CWF19L2: variants seen among roughly 807,000 people sequenced by gnomAD.
The protein encoded by CWF19L2 is CWF19 like cell cycle control factor 2.
Under a neutral mutation model 111.7 loss-of-function variants are expected in CWF19L2, and 98 were observed. The ratio of observed to expected loss-of-function variants is 0.88; its 90% CI spans 0.75 to 1.04. The LOEUF (loss-of-function observed/expected upper bound fraction) is 1.04. CWF19L2 is among the 50% of genes least tolerant of loss of function. The pLI, the probability that CWF19L2 is intolerant of heterozygous loss-of-function variation, is 0.00. For missense variants in CWF19L2, 1,101 were observed against 1,051.4 expected, an observed-to-expected ratio of 1.05 and a Z score of -0.65; for synonymous variants, 351 against 342.9, an observed-to-expected ratio of 1.02 and a Z score of -0.26.
At position 107,403,620 on chromosome 11, in the gene CWF19L2, G is replaced by C. The variant is rs1861038243; in HGVS notation, c.1618-10725C>G. 6.4e-6 allele frequency: 5 copies of C among 780,096 alleles called. No homozygotes were observed. The South Asian group carries it at 6.7e-5, about 10-fold the overall frequency. The allele number at this position is 780,096 out of a possible 1,614,324, so 48.3% of individuals were successfully genotyped here. A position where few individuals can be genotyped will look rare whatever the true frequency, so the allele number is the denominator to read the frequency against. On this transcript the variant is annotated intron_variant, in intron 10 of 17. Coordinates refer to ENST00000282251, the MANE Select transcript of CWF19L2 (RefSeq NM_152434.3). ...AGGTGTGTCTTCTCTGTCTCCATTG[G>C]AATGTTCTCCTCGTCTTTCTTCTCC...
At chr11:107,403,209 T>C (rs1039713883) in intron 10 of CWF19L2, among the ~76,000 whole-genome samples, 15 of 151,608 alleles carry the variant, frequency 9.9e-5, no homozygotes, top group African/African-American at 3.4e-4. Context: ...CTAAAGAACT[T>C]ACTCATGTAA....
At position 107,327,073 on chromosome 11, in the gene CWF19L2, G is replaced by A. The variant is rs766357964; in HGVS notation, c.2542-20C>T. The A allele has an allele frequency of 1.9e-6, 3 of 1,573,008 alleles. No individual in the cohort carries two copies. Among genetic ancestry groups the A allele is most frequent in the East Asian group, 2.3e-5 (1 of 43,684 alleles). ...GATTTCCTTTTAAAGAAAGAGAAAA[G>A]CACAAACACAAGCATGTATAAATAA... On this transcript the variant is annotated intron_variant, in intron 17 of 17. Transcript: ENST00000282251.
intron 13 of CWF19L2, among the ~76,000 whole-genome samples, chr11:107,349,526 G>A (rs981397681): frequency 5.9e-5 from 9 of 151,856 alleles, no homozygotes; most frequent in Admixed American, 2.0e-4. Context: ...CAGCTAAGAC[G>A]AAGAGGAAAT....
intron 14 of CWF19L2, among the ~76,000 whole-genome samples, chr11:107,343,544 C>T (rs973370584): frequency 6.6e-6 from 1 of 152,028 alleles, no homozygotes; most frequent in Admixed American, 6.6e-5. Context: ...ATCTCCTCTA[C>T]CAAACTATCT....
chr11:107,326,742 TGAAGAA>T lies in CWF19L2; in HGVS notation c.*162_*167del. The T allele has an allele frequency of 2.0e-6, 1 of 489,768 alleles. No homozygotes were observed. Among genetic ancestry groups the T allele is most frequent in the Non-Finnish European group, 3.6e-6 (1 of 281,420 alleles). The allele number at this position is 489,768 out of a possible 1,614,324, so 30.3% of individuals were successfully genotyped here. A position where few individuals can be genotyped will look rare whatever the true frequency, so the allele number is the denominator to read the frequency against. On this transcript the variant is annotated 3_prime_UTR_variant, in exon 18 of 18. Coordinates refer to ENST00000282251, the MANE Select transcript of CWF19L2 (RefSeq NM_152434.3). ...AATGAAGTCCATAGATAGGAGCAGG[TGAAGAA>T]GAAAACAACACAATCTCCTGATGTA...
intron 12 of CWF19L2, among the ~76,000 whole-genome samples, chr11:107,362,216 C>A (rs1389257976): frequency 6.6e-6 from 1 of 151,334 alleles, no homozygotes; most frequent in Non-Finnish European, 1.5e-5. Context: ...CAGCTGAGAT[C>A]AAACTGCAAG....
chr11:107,355,266 G>A (rs1377896310), intron 12 of CWF19L2, among the ~76,000 whole-genome samples: 1 of 151,726 alleles, frequency 6.6e-6, no homozygotes, highest in Non-Finnish European at 1.5e-5. Flanking sequence ...AAATACAAAA[G>A]TAGCCGGGCG....
intron 16 of CWF19L2, among the ~76,000 whole-genome samples, 190 bp downstream of exon 16, chr11:107,334,691 A>C (rs1228843439): frequency 1.3e-5 from 2 of 152,228 alleles, no homozygotes; most frequent in Admixed American, 1.3e-4. Context: ...TCATGTGAAC[A>C]AATAAAAACC....
intron 7 of CWF19L2, among the ~76,000 whole-genome samples, chr11:107,429,687 AC>A (rs1861436281): frequency 6.6e-6 from 1 of 152,114 alleles, no homozygotes; most frequent in African/African-American, 2.4e-5. Context: ...GTTACACCAA[AC>A]ACTCTGCACT....
At chr11:107,442,797 AGGGAGGGAGGGAGGG>A (rs1565287361) in intron 4 of CWF19L2, 127 bp downstream of exon 4, 3,495 of 221,786 alleles carry the variant, frequency 0.016, 102 homozygotes, top group Non-Finnish European at 0.019. Context: ...GAAGGAAGGG[AGGGAGGGAGGGAGGG>A]AGGGAGGGGG....
chr11:107,385,483 T>C (rs1459781186), intron 12 of CWF19L2, among the ~76,000 whole-genome samples: 4 of 152,140 alleles, frequency 2.6e-5, no homozygotes, highest in Non-Finnish European at 4.4e-5. Flanking sequence ...TAAACGTCAA[T>C]TTATCTAAAC....
intron 10 of CWF19L2, among the ~76,000 whole-genome samples, chr11:107,402,225 A>T (rs1861011299): frequency 6.6e-6 from 1 of 152,142 alleles, no homozygotes; most frequent in African/African-American, 2.4e-5. Context: ...AACAAAGAAA[A>T]ATAGCTGGGA....
At chr11:107,455,327 T>C (rs1004293157) in intron 2 of CWF19L2, among the ~76,000 whole-genome samples, 2 of 152,000 alleles carry the variant, frequency 1.3e-5, no homozygotes, top group Non-Finnish European at 2.9e-5. Context: ...AAAAAAATTA[T>C]AGGAAAACAG....
chr11:107,429,380 C>T lies in CWF19L2; in HGVS notation c.852G>A (p.Arg284=). The change falls in exon 8 of 18, where the codon CGG becomes CGA. Residue 284 remains arginine, a synonymous_variant. Coordinates refer to ENST00000282251, the MANE Select transcript of CWF19L2 (RefSeq NM_152434.3). ...KAASTKEDYR[R]ERWRKPTYSD... ...AATATGTGGGTTTCCTCCACCGTTC[C>T]CGTCTATAATCTTCTTTCGTGGATG... is the stretch of plus-strand genomic sequence containing the variant. The T allele has an allele frequency of 6.3e-7, 1 of 1,589,718 alleles. No homozygotes were observed. The highest frequency in any genetic ancestry group is 8.6e-7 in the Non-Finnish European group (1 of 1,166,444).
chr11:107,383,181 T>C (rs924306127), intron 12 of CWF19L2, among the ~76,000 whole-genome samples: 1 of 152,240 alleles, frequency 6.6e-6, no homozygotes, highest in Non-Finnish European at 1.5e-5. Flanking sequence ...GGGGGTCATG[T>C]GAACCCCAAC....
At chr11:107,361,392 T>C (rs999365950) in intron 12 of CWF19L2, among the ~76,000 whole-genome samples, 2 of 152,232 alleles carry the variant, frequency 1.3e-5, no homozygotes, top group African/African-American at 4.8e-5. Context: ...GGTAATCAGA[T>C]GCCTGCAGCT....
At chr11:107,365,258 G>A (rs1278756103) in intron 12 of CWF19L2, among the ~76,000 whole-genome samples, 2 of 146,044 alleles carry the variant, frequency 1.4e-5, no homozygotes, top group African/African-American at 5.2e-5. Context: ...AGGAGGAACT[G>A]GTACCATTCC....
intron 3 of CWF19L2, among the ~76,000 whole-genome samples, chr11:107,445,918 T>C (rs1861695440): frequency 6.6e-6 from 1 of 152,112 alleles, no homozygotes; most frequent in East Asian, 1.9e-4. Context: ...CAATTAGATG[T>C]AAACAAAAGT....
Position 107,429,303 on chromosome 11 carries a change from T to C in CWF19L2, c.929A>G (p.Tyr310Cys). ...ATATCTATCCCTTGAACTGTTACCA[T>C]ATTTTACTAAGTCTGATTCTCTACT... Reference protein sequence around the residue: ...QESRESDLVKYGNSSRDRYAT... With the variant: ...QESRESDLVKCGNSSRDRYAT... Residue 310 changes from tyrosine (Y) to cysteine (C), a missense_variant, in exon 8 of 18, where the codon TAT (tyrosine) becomes TGT (cysteine). By Grantham distance (194) the Tyr-to-Cys change is radical (BLOSUM62 -2). Coordinates refer to ENST00000282251, the MANE Select transcript of CWF19L2 (RefSeq NM_152434.3). The C allele has an allele frequency of 6.2e-7, 1 of 1,612,636 alleles. No individual in the cohort carries two copies. The highest frequency in any genetic ancestry group is 8.5e-7 in the Non-Finnish European group (1 of 1,179,236).
Sources: allele counts gnomAD v4.1 joint callset (sites outside exome capture counted in the v4.1 genomes callset), GRCh38; gene constraint gnomAD v4.1.1; transcripts MANE v1.5; gene names NCBI Gene and HGNC (gene_info 2026-07-23, HGNC 2026-07-21).